The following PPIP5K2 variants were observed in gnomAD, a reference collection of about 807,000 sequenced individuals.
The protein encoded by PPIP5K2 is inositol hexakisphosphate and diphosphoinositol-pentakisphosphate kinase 2.
A neutral mutation model predicts 154.6 loss-of-function variants in PPIP5K2; 105 were observed. The observed-to-expected ratio is 0.68, with a 90% CI of 0.58 to 0.80. PPIP5K2 has a LOEUF of 0.80. Among genes scored for constraint, PPIP5K2 ranks in the 30% least tolerant of loss-of-function variants. The pLI, the probability that PPIP5K2 is intolerant of heterozygous loss-of-function variation, is 0.00. For missense variants in PPIP5K2, 992 were observed against 1,504.6 expected (o/e 0.66, Z 5.64); for synonymous variants, 480 against 490.3 (o/e 0.98, Z 0.28).
At chr5:103,189,226 G>A in intron 28 of PPIP5K2, 1 of 1,521,664 alleles carries the variant, frequency 6.6e-7, no homozygotes, top group South Asian at 1.2e-5. Flanking sequence ...AGGCTCCAGT[G>A]GTATGTTTTT....
chr5:103,146,473 C>T, intron 5 of PPIP5K2, 54 bp from the exon 6 acceptor site: 2 of 1,556,668 alleles, frequency 1.3e-6, no homozygotes, highest in Non-Finnish European at 1.7e-6. Flanking sequence ...ATGTGGTGTC[C>T]TGATAATATA....
At chr5:103,191,818 T>C (rs925231338) in intron 29 of PPIP5K2, among the ~76,000 whole-genome samples, 2 of 152,024 alleles carry the variant, frequency 1.3e-5, no homozygotes, top group Non-Finnish European at 2.9e-5. Context: ...GAGTTAGTTT[T>C]GGGAGAGAGT....
intron 17 of PPIP5K2, among the ~76,000 whole-genome samples, chr5:103,162,850 A>G (rs1460537990): frequency 6.6e-6 from 1 of 152,124 alleles, no homozygotes; most frequent in Non-Finnish European, 1.5e-5. Flanking sequence ...ATCAGATAAA[A>G]TTGACTTTTG....
At position 103,201,519 on chromosome 5, in the gene PPIP5K2, T is replaced by A. The variant is rs1554230299; in HGVS notation, c.3620-3T>A. 6.5e-7 allele frequency: 1 copy of A among 1,537,832 alleles called. No homozygotes were observed. Among genetic ancestry groups the A allele is most frequent in the South Asian group, 1.3e-5 (1 of 78,860 alleles). On this transcript the variant is annotated splice_polypyrimidine_tract_variant and splice_region_variant and intron_variant, in intron 30 of 30. Coordinates refer to ENST00000358359, the MANE Select transcript of PPIP5K2 (RefSeq NM_001276277.3). ...TTTTTTTTTTTGTTTTTGTTTTATG[T>A]AGCTACAAGTGGACCTTCTAGTGCA... is the stretch of plus-strand genomic sequence containing the variant.
Position 103,201,583 on chromosome 5 carries a change from T to C in PPIP5K2, c.3681T>C (p.Thr1227=), listed in dbSNP as rs114625769. Residue 1227 remains threonine, a synonymous_variant, in exon 31 of 31, where the codon ACT becomes ACC. Transcript: ENST00000358359. Reference sequence around the variant, plus strand: ...CCTCATCTCGGAAAAAGAATATAACTAGCAAAACAGAAACGCATGAACACA... The same window carrying C: ...CCTCATCTCGGAAAAAGAATATAACCAGCAAAACAGAAACGCATGAACACA... The part of the protein sequence containing the change: ...PNTSSRKKNI[T]SKTETHEHKK... 336 of 1,611,202 alleles carry C rather than the reference T, an allele frequency of 2.1e-4. No homozygotes were observed. The African/African-American group carries it at 4.1e-3, about 20-fold the overall frequency.
At chr5:103,141,460 C>T (rs1335007309) in intron 5 of PPIP5K2, among the ~76,000 whole-genome samples, 2 of 152,090 alleles carry the variant, frequency 1.3e-5, no homozygotes, top group Admixed American at 1.3e-4. Flanking sequence ...CAGATCTTCG[C>T]GGTGAGTGTT....
At chr5:103,129,020 TC>T (rs1790184106) in intron 1 of PPIP5K2, among the ~76,000 whole-genome samples, 1 of 152,208 alleles carries the variant, frequency 6.6e-6, no homozygotes, top group African/African-American at 2.4e-5. Context: ...AGTAATTTTC[TC>T]TTAATTAGTT....
intron 28 of PPIP5K2, among the ~76,000 whole-genome samples, chr5:103,189,758 G>A (rs1742951091): frequency 6.6e-6 from 1 of 151,986 alleles, no homozygotes; most frequent in African/African-American, 2.4e-5. Context: ...CTGAGAATTA[G>A]GCAGTTCTTG....
At chr5:103,194,860 G>A (rs1364179837) in intron 29 of PPIP5K2, 40 bp from the exon 30 acceptor site, 23 of 1,583,840 alleles carry the variant, frequency 1.5e-5, no homozygotes, top group Non-Finnish European at 2.0e-5. Flanking sequence ...ATAATTGGCA[G>A]GAAATTATTA....
intron 8 of PPIP5K2, among the ~76,000 whole-genome samples, chr5:103,150,567 A>T (rs1794470788): frequency 6.6e-6 from 1 of 152,106 alleles, no homozygotes; most frequent in Non-Finnish European, 1.5e-5. Context: ...TGAGGCCAGA[A>T]CTCCAGACCA....
In PPIP5K2 at chr5:103,133,622, AT is replaced by A. The variant is rs1791005905; in HGVS notation, c.286del (p.Cys96ValfsTer26). 1 of 1,607,898 alleles carries A rather than the reference AT, an allele frequency of 6.2e-7. No individual in the cohort carries two copies. The highest frequency in any genetic ancestry group is 8.5e-7 in the Non-Finnish European group (1 of 1,177,942). On this transcript the variant is annotated frameshift_variant, in exon 3 of 31. Transcript: ENST00000358359. LOFTEE classifies it high-confidence loss of function. ...CCAGTGGAAAACTGGCCTTTATGTG[AT>A]TGTCTTATTTCTTTCCATTCTAAAG... is the stretch of plus-strand genomic sequence containing the variant. The part of the protein sequence containing the change: ...NEPVENWPLC[D>X]CLISFHSKGF...
intron 28 of PPIP5K2, chr5:103,189,178 C>T (rs1554226098): frequency 6.5e-7 from 1 of 1,530,316 alleles, no homozygotes; most frequent in Non-Finnish European, 8.8e-7. Context: ...ACACCTACAC[C>T]TCTATAGGTG....
At chr5:103,166,685 A>G (rs573718789) in intron 17 of PPIP5K2, among the ~76,000 whole-genome samples, 21 of 152,000 alleles carry the variant, frequency 1.4e-4, no homozygotes, top group Non-Finnish European at 1.9e-4. Flanking sequence ...AGTATTTTGT[A>G]TATGTATTAT....
intron 20 of PPIP5K2, 96 bp from the exon 21 acceptor site, chr5:103,173,762 T>C: frequency 2.4e-6 from 2 of 825,940 alleles, no homozygotes; most frequent in East Asian, 5.4e-5. Flanking sequence ...CTTTTACTTC[T>C]AGTGAAATTA....
chr5:103,178,016 C>A, intron 23 of PPIP5K2, 36 bp downstream of exon 23: 1 of 1,282,200 alleles, frequency 7.8e-7, no homozygotes, highest in Non-Finnish European at 1.1e-6. Context: ...TTAGTTACTA[C>A]AGTTCTAGAT....
At chr5:103,197,319 T>G (rs1393630170) in intron 30 of PPIP5K2, among the ~76,000 whole-genome samples, 3 of 152,066 alleles carry the variant, frequency 2.0e-5, no homozygotes, top group Non-Finnish European at 4.4e-5. Context: ...TATGTTTCCT[T>G]TTTGTGATAC....
rs1554231409 is a variant in PPIP5K2, at chr5:103,203,566, G to A, written c.*1932G>A. On this transcript the variant is annotated 3_prime_UTR_variant, in exon 31 of 31. Coordinates refer to ENST00000358359, the MANE Select transcript of PPIP5K2 (RefSeq NM_001276277.3). Reference sequence around the variant, plus strand: ...ACTGTTTAGTGGCAGTTTGACTGAAGCATCTGTTTCTCACTTGATTCTGTC... The same window carrying A: ...ACTGTTTAGTGGCAGTTTGACTGAAACATCTGTTTCTCACTTGATTCTGTC... 6.6e-6 allele frequency: 1 copy of A among 152,144 alleles called. No individual in the cohort carries two copies. The highest frequency in any genetic ancestry group is 1.5e-5 in the Non-Finnish European group (1 of 68,020). 9.4% of individuals were successfully genotyped at this position (152,144 alleles called of 1,614,324 possible).
chr5:103,148,276 A>C (rs375066841), intron 7 of PPIP5K2: 4 of 469,358 alleles, frequency 8.5e-6, no homozygotes, highest in South Asian at 5.9e-5. Flanking sequence ...TTTTATTCAA[A>C]TATAATAAAA....
chr5:103,173,286 AG>A lies in PPIP5K2; in HGVS notation c.2414+5del, dbSNP rs1554220019. On this transcript the variant is annotated splice_donor_5th_base_variant and intron_variant, in intron 20 of 30. Transcript: ENST00000358359. ...CTGTAAATAAACTTCATCCTGTGTA[AG>A]AAACTGTACTGGTTATTTAAATCTC... 6.2e-7 allele frequency: 1 copy of A among 1,605,380 alleles called. No homozygotes were observed.
Sources: allele counts gnomAD v4.1 joint callset (sites outside exome capture counted in the v4.1 genomes callset), GRCh38; gene constraint gnomAD v4.1.1; transcripts MANE v1.5; gene names NCBI Gene and HGNC (gene_info 2026-07-23, HGNC 2026-07-21).